ASTN2: variants seen among roughly 807,000 people sequenced by gnomAD.
The protein encoded by ASTN2 is astrotactin 2.
A neutral mutation model predicts 139.8 loss-of-function variants in ASTN2; 54 were observed. The observed-to-expected ratio is 0.39, with a 90% CI of 0.31 to 0.48. The LOEUF is 0.48. Ranked by LOEUF, ASTN2 falls within the 20% of genes least tolerant of loss-of-function variation. The pLI is 0.95. For synonymous variants in ASTN2, 756 were observed against 719.5 expected (o/e 1.05, Z -0.81); for missense variants, 1,565 against 1,725.1 (o/e 0.91, Z 1.64).
At chr9:117,332,303 G>T (rs1180542124) in intron 1 of ASTN2, among the ~76,000 whole-genome samples, 2 of 152,204 alleles carry the variant, frequency 1.3e-5, no homozygotes, top group African/African-American at 2.4e-5. Flanking sequence ...GGGTGTGGTG[G>T]CTCATGCCTG....
At chr9:117,041,252 AT>A (rs940860392) in intron 5 of ASTN2, among the ~76,000 whole-genome samples, 12 of 147,500 alleles carry the variant, frequency 8.1e-5, no homozygotes, top group African/African-American at 7.4e-5. Context: ...TGCCTCCACA[AT>A]TTTTTTTTTT....
chr9:116,558,622 G>A (rs532666186), intron 19 of ASTN2, among the ~76,000 whole-genome samples: 1 of 152,076 alleles, frequency 6.6e-6, no homozygotes, highest in African/African-American at 2.4e-5. Context: ...TTTTAGGTCC[G>A]GAAAAGTCAT....
intron 19 of ASTN2, among the ~76,000 whole-genome samples, chr9:116,565,415 ATATATATATATATATT>A (rs1342418230): frequency 4.9e-5 from 5 of 102,252 alleles, no homozygotes; most frequent in Admixed American, 9.8e-5. Context: ...ATATATATAT[ATATATATATATATATT>A]TATTTATTTA....
At chr9:117,250,104 C>T (rs1375921235) in intron 2 of ASTN2, among the ~76,000 whole-genome samples, 1 of 152,188 alleles carries the variant, frequency 6.6e-6, no homozygotes, top group East Asian at 1.9e-4. Flanking sequence ...AATCAGAAGG[C>T]TTCTTATGAA....
At chr9:116,861,972 TC>T (rs1172065810) in intron 11 of ASTN2, among the ~76,000 whole-genome samples, 7 of 49,210 alleles carry the variant, frequency 1.4e-4, no homozygotes, top group Non-Finnish European at 2.4e-4. Context: ...ATTTCCTTCT[TC>T]TTTTTTTTTT....
intron 6 of ASTN2, among the ~76,000 whole-genome samples, chr9:117,037,469 A>G (rs1838418514): frequency 6.6e-6 from 1 of 152,174 alleles, no homozygotes; most frequent in Non-Finnish European, 1.5e-5. Context: ...TCCACATTTT[A>G]TAGATGGAGA....
chr9:117,001,766 G>T (rs1054217978), intron 7 of ASTN2, among the ~76,000 whole-genome samples: 4 of 152,100 alleles, frequency 2.6e-5, no homozygotes, highest in African/African-American at 9.7e-5. Flanking sequence ...ATTTCTCCCT[G>T]TTCTTCAGGC....
intron 19 of ASTN2, among the ~76,000 whole-genome samples, chr9:116,605,329 C>G (rs1276759935): frequency 6.6e-6 from 1 of 152,070 alleles, no homozygotes; most frequent in Non-Finnish European, 1.5e-5. Flanking sequence ...CCTGCTGCCT[C>G]TGTGAGTGCC....
intron 13 of ASTN2, among the ~76,000 whole-genome samples, chr9:116,784,378 C>T (rs1303489703): frequency 6.6e-6 from 1 of 152,196 alleles, no homozygotes; most frequent in Non-Finnish European, 1.5e-5. Context: ...ACTTGAAGCA[C>T]CTTGCAGAGT....
At chr9:116,941,492 C>A (rs550559562) in intron 10 of ASTN2, among the ~76,000 whole-genome samples, 3 of 151,230 alleles carry the variant, frequency 2.0e-5, no homozygotes, top group Non-Finnish European at 4.4e-5. Context: ...CCCTCTTACT[C>A]AGAGAAGGGT....
intron 16 of ASTN2, among the ~76,000 whole-genome samples, chr9:116,674,234 C>A (rs575555971): frequency 2.6e-5 from 4 of 152,294 alleles, no homozygotes; most frequent in Admixed American, 6.5e-5. Flanking sequence ...GCTGGCACTA[C>A]CCAAATCAAT....
chr9:117,197,963 T>G (rs1010564444), intron 3 of ASTN2, among the ~76,000 whole-genome samples: 1 of 151,540 alleles, frequency 6.6e-6, no homozygotes, highest in Non-Finnish European at 1.5e-5. Flanking sequence ...TTGAAGGTAA[T>G]GTATCTTTTT....
At chr9:117,233,174 A>C (rs1832947659) in intron 2 of ASTN2, among the ~76,000 whole-genome samples, 1 of 152,154 alleles carries the variant, frequency 6.6e-6, no homozygotes, top group Non-Finnish European at 1.5e-5. Context: ...AAAACTCCTG[A>C]AGAAATCAGG....
intron 7 of ASTN2, among the ~76,000 whole-genome samples, chr9:116,993,867 T>TAG: frequency 7.1e-6 from 1 of 141,218 alleles, no homozygotes; most frequent in African/African-American, 2.7e-5. Context: ...TATATATATA[T>TAG]ATATATATAT....
chr9:117,043,117 G>A (rs912993311), intron 5 of ASTN2, among the ~76,000 whole-genome samples: 1 of 151,944 alleles, frequency 6.6e-6, no homozygotes, highest in African/African-American at 2.4e-5. Context: ...GTGATCCACC[G>A]ACCTCAGCCT....
chr9:117,238,787 T>C (rs1432067371), intron 2 of ASTN2, among the ~76,000 whole-genome samples: 1 of 152,138 alleles, frequency 6.6e-6, no homozygotes, highest in Non-Finnish European at 1.5e-5. Flanking sequence ...AAAGATTAAG[T>C]TGGCTAGTAA....
At chr9:117,392,673 A>G (rs1409405871) in intron 1 of ASTN2, among the ~76,000 whole-genome samples, 1 of 152,238 alleles carries the variant, frequency 6.6e-6, no homozygotes, top group East Asian at 1.9e-4. Context: ...TGTCAGTTAC[A>G]ACCAAGAGTT....
chr9:116,508,387 G>A (rs997997468), intron 19 of ASTN2, among the ~76,000 whole-genome samples: 4 of 152,112 alleles, frequency 2.6e-5, no homozygotes, highest in Admixed American at 1.3e-4. Context: ...AAGAATTTCC[G>A]TATGCTCTGC....
chr9:116,513,008 T>A (rs889365212), intron 19 of ASTN2, among the ~76,000 whole-genome samples: 1 of 152,188 alleles, frequency 6.6e-6, no homozygotes, highest in Non-Finnish European at 1.5e-5. Context: ...ACATTTAAGG[T>A]TAATATTGTT....
Sources: allele counts gnomAD v4.1 joint callset (sites outside exome capture counted in the v4.1 genomes callset), GRCh38; gene constraint gnomAD v4.1.1; transcripts MANE v1.5; gene names NCBI Gene and HGNC (gene_info 2026-07-23, HGNC 2026-07-21).